Variants in TBXAS1 observed in about 807,000 individuals in gnomAD.
The protein encoded by TBXAS1 is thromboxane-A synthase.
Under a neutral mutation model 60.7 loss-of-function variants are expected in TBXAS1, and 48 were observed. That is an observed-to-expected ratio of 0.79 (90% CI 0.63 to 1.01). TBXAS1 has a LOEUF of 1.01. Ranked by LOEUF, TBXAS1 falls within the 50% of genes least tolerant of loss-of-function variation. TBXAS1 has a pLI of 0.00. For missense variants in TBXAS1, 685 were observed against 686.3 expected (o/e 1.00, Z 0.02); for synonymous variants, 287 against 269.7 (o/e 1.06, Z -0.63).
chr7:139,991,327 A>G (rs543893843), intron 9 of TBXAS1, among the ~76,000 whole-genome samples: 2 of 28,362 alleles, frequency 7.1e-5, no homozygotes, highest in East Asian at 2.2e-3. Context: ...CGATGCCCCC[A>G]TATGTTGCCC....
intron 3 of TBXAS1, 141 bp downstream of exon 3, chr7:139,875,778 C>A (rs1802186881): frequency 1.8e-6 from 2 of 1,123,460 alleles, no homozygotes; most frequent in Non-Finnish European, 2.6e-6. Flanking sequence ...AAAGGGCCCA[C>A]AAAGAGGGAG....
At chr7:140,000,063 A>C (rs1470689123) in intron 9 of TBXAS1, among the ~76,000 whole-genome samples, 3 of 152,154 alleles carry the variant, frequency 2.0e-5, no homozygotes, top group Non-Finnish European at 4.4e-5. Flanking sequence ...TTTCAGAGAA[A>C]ATGATACACA....
rs547205110 is a variant in TBXAS1, at chr7:139,833,700, A to G, written c.89+4221A>G. On this transcript the variant is annotated intron_variant, in intron 1 of 12. Coordinates refer to ENST00000448866, the MANE Select transcript of TBXAS1 (RefSeq NM_001061.7). ...ACTCTTTCTCAAAAAAATAAAAAAA[A>G]GAGAGAGACAAAGAGGGACATTATA... Among the ~76,000 whole-genome samples the G allele has an allele frequency of 2.0e-5, 3 of 151,636 alleles. No individual in the cohort carries two copies. In the East Asian group the frequency reaches 5.8e-4, roughly 29 times the overall value.
intron 5 of TBXAS1, among the ~76,000 whole-genome samples, chr7:139,944,591 G>A (rs2117251203): frequency 6.6e-6 from 1 of 152,330 alleles, no homozygotes; most frequent in Middle Eastern, 3.4e-3. Context: ...TTCTGGTGCA[G>A]ATGAGGGGAA....
chr7:139,836,048 A>AAATAAATG (rs1212656742), intron 1 of TBXAS1, among the ~76,000 whole-genome samples: 6 of 141,912 alleles, frequency 4.2e-5, no homozygotes, highest in Non-Finnish European at 9.0e-5. Flanking sequence ...ATAAATAAAT[A>AAATAAATG]AATAAATAAA....
In TBXAS1 at chr7:139,887,652, C is replaced by A. The variant is rs535709618; in HGVS notation, c.236+12015C>A. Reference sequence around the variant, plus strand: ...ATATTCCATTGTAAGCCTATTCTGCCTTTTGTTTATTCGTTTGTTTGTAGA... The same window carrying A: ...ATATTCCATTGTAAGCCTATTCTGCATTTTGTTTATTCGTTTGTTTGTAGA... On this transcript the variant is annotated intron_variant, in intron 3 of 12. Coordinates refer to ENST00000448866, the MANE Select transcript of TBXAS1 (RefSeq NM_001061.7). Among the ~76,000 whole-genome samples, 8 of 152,224 alleles carry A rather than the reference C, an allele frequency of 5.3e-5. No homozygotes were observed. In the East Asian group the frequency reaches 1.5e-3, roughly 29 times the overall value.
chr7:139,879,692 C>A (rs376297996), intron 3 of TBXAS1, among the ~76,000 whole-genome samples: 1 of 151,982 alleles, frequency 6.6e-6, no homozygotes, highest in South Asian at 2.1e-4. Flanking sequence ...TGTAGCTGGA[C>A]TTTGTAACCC....
intron 9 of TBXAS1, among the ~76,000 whole-genome samples, chr7:139,979,240 T>A (rs1012512709): frequency 1.3e-5 from 2 of 152,162 alleles, no homozygotes; most frequent in Non-Finnish European, 2.9e-5. Context: ...TCATTTCTCC[T>A]CTCTAGGGTG....
intron 3 of TBXAS1, among the ~76,000 whole-genome samples, chr7:139,880,041 G>T (rs984990500): frequency 1.3e-5 from 2 of 152,062 alleles, no homozygotes; most frequent in Non-Finnish European, 2.9e-5. Flanking sequence ...GTGCCATCAC[G>T]CCCAGCAAAT....
intron 1 of TBXAS1, among the ~76,000 whole-genome samples, chr7:139,845,950 G>A (rs181799774): frequency 6.6e-6 from 1 of 151,392 alleles, no homozygotes; most frequent in African/African-American, 2.4e-5. Flanking sequence ...CCAGCCCCAT[G>A]AGTAGCTGGG....
chr7:139,818,582 T>C (rs568523149), intron 4 of TBXAS1, among the ~76,000 whole-genome samples: 1 of 152,242 alleles, frequency 6.6e-6, no homozygotes, highest in South Asian at 2.1e-4. Flanking sequence ...TGCTGACATA[T>C]TCCCTTGGAG....
chr7:139,814,918 T>C (rs1798109221), intron 4 of TBXAS1, among the ~76,000 whole-genome samples: 1 of 152,184 alleles, frequency 6.6e-6, no homozygotes, highest in South Asian at 2.1e-4. Flanking sequence ...CACAGGGCAC[T>C]GGTCTTGTCC....
intron 1 of TBXAS1, among the ~76,000 whole-genome samples, chr7:139,851,953 TG>T (rs1426100621): frequency 6.6e-6 from 1 of 152,192 alleles, no homozygotes; most frequent in African/African-American, 2.4e-5. Context: ...TATTGGAGAC[TG>T]GGGTTTCCAT....
chr7:139,920,461 C>T (rs888755629), intron 4 of TBXAS1, among the ~76,000 whole-genome samples: 2 of 152,212 alleles, frequency 1.3e-5, no homozygotes, highest in African/African-American at 4.8e-5. Context: ...GACATGACCA[C>T]AAATGTCACC....
intron 1 of TBXAS1, among the ~76,000 whole-genome samples, chr7:139,832,485 A>T (rs1362775152): frequency 6.6e-6 from 1 of 152,146 alleles, no homozygotes; most frequent in East Asian, 1.9e-4. Context: ...ACCTAAGAAT[A>T]ATTGGTGTTC....
At chr7:139,779,366 C>A (rs1796902635) in intron 1 of TBXAS1, among the ~76,000 whole-genome samples, 2 of 152,138 alleles carry the variant, frequency 1.3e-5, no homozygotes, top group Admixed American at 1.3e-4. Flanking sequence ...CTTCCTTGCC[C>A]CCATAATCAA....
chr7:139,793,914 G>C (rs758518292), intron 4 of TBXAS1, among the ~76,000 whole-genome samples: 1 of 151,960 alleles, frequency 6.6e-6, no homozygotes, highest in African/African-American at 2.4e-5. Flanking sequence ...CAGGGTTCAC[G>C]GTTTCATATT....
intron 4 of TBXAS1, among the ~76,000 whole-genome samples, chr7:139,921,494 T>C (rs1442438817): frequency 6.6e-6 from 1 of 151,966 alleles, no homozygotes; most frequent in Admixed American, 6.6e-5. Context: ...AGCCCAGGAG[T>C]TCGAGACTGG....
chr7:139,878,133 G>A (rs1200124232), intron 3 of TBXAS1, among the ~76,000 whole-genome samples: 2 of 145,006 alleles, frequency 1.4e-5, no homozygotes, highest in Admixed American at 6.9e-5. Flanking sequence ...GAGAGAGAAG[G>A]AGAGAGAGAG....
Sources: gnomAD v4.1 joint callset for allele counts (sites outside exome capture counted in the v4.1 genomes callset) on GRCh38, gnomAD v4.1.1 for gene constraint, MANE v1.5 for transcripts, NCBI Gene and HGNC (gene_info 2026-07-23, HGNC 2026-07-21) for gene names.